FMN2: variants seen among roughly 807,000 people sequenced by gnomAD.
FMN2 encodes formin 2.
FMN2 carries 51 observed loss-of-function variants against 142.3 expected under a neutral mutation model. The observed-to-expected ratio is 0.36, with a 90% CI of 0.29 to 0.45. The LOEUF (loss-of-function observed/expected upper bound fraction) is 0.45, where lower values mean the gene tolerates loss of function less well. FMN2 is among the 20% of genes least tolerant of loss of function. The pLI is 1.00. For missense variants in FMN2, 1,936 were observed against 2,122.8 expected, an observed-to-expected ratio of 0.91 and a Z score of 1.73; for synonymous variants, 882 against 869.8, an observed-to-expected ratio of 1.01 and a Z score of -0.25.
intron 2 of FMN2, among the ~76,000 whole-genome samples, chr1:240,164,329 T>G (rs1206844772): frequency 6.6e-6 from 1 of 152,254 alleles, no homozygotes; most frequent in Non-Finnish European, 1.5e-5. Context: ...CCTAACTTAA[T>G]AAATTTCACT....
At chr1:240,382,478 T>G (rs1673257287) in intron 14 of FMN2, among the ~76,000 whole-genome samples, 1 of 151,902 alleles carries the variant, frequency 6.6e-6, no homozygotes, top group Non-Finnish European at 1.5e-5. Context: ...CTGGCCAACA[T>G]GGTGAAACCC....
rs1442933895 is a variant in FMN2 at position 240,173,933 on chromosome 1, C to G, written c.1783-3988C>G. Among the ~76,000 whole-genome samples, 10 of 152,190 alleles carry G rather than the reference C, an allele frequency of 6.6e-5. No homozygotes were observed. The East Asian group carries it at 1.9e-3, about 29-fold the overall frequency. On this transcript the variant is annotated intron_variant, in intron 2 of 17. Coordinates refer to ENST00000319653, the MANE Select transcript of FMN2 (RefSeq NM_020066.5). ...TTATCCCCTTGGTTGTTGGTGCTACCTCTTTTATATGGAAAAAACTATGTC... is the reference window on the plus strand; with the variant it reads ...TTATCCCCTTGGTTGTTGGTGCTACGTCTTTTATATGGAAAAAACTATGTC...
At chr1:240,154,222 C>T (rs985507143) in intron 2 of FMN2, among the ~76,000 whole-genome samples, 15 of 150,538 alleles carry the variant, frequency 1.0e-4, no homozygotes, top group African/African-American at 3.2e-4. Flanking sequence ...AGGGAGCAGA[C>T]AGACAATGCA....
At chr1:240,138,850 TACC>T (rs1451405056) in intron 2 of FMN2, among the ~76,000 whole-genome samples, 4 of 152,258 alleles carry the variant, frequency 2.6e-5, no homozygotes, top group Admixed American at 2.6e-4. Context: ...CTTCTCATAA[TACC>T]ACAATAGTTA....
At chr1:240,218,258 G>A (rs1439540916) in intron 6 of FMN2, among the ~76,000 whole-genome samples, 1 of 123,422 alleles carries the variant, frequency 8.1e-6, no homozygotes, top group African/African-American at 3.2e-5. Flanking sequence ...ACTCCAGCCT[G>A]GCGACAGAGC....
At chr1:240,241,702 ACTC>A (rs149628738) in intron 6 of FMN2, among the ~76,000 whole-genome samples, 1,728 of 151,794 alleles carry the variant, frequency 0.011, 39 homozygotes, top group African/African-American at 0.039. Context: ...CTATGGCGCT[ACTC>A]CTCTTGTTTA....
intron 7 of FMN2, among the ~76,000 whole-genome samples, chr1:240,274,507 A>T (rs569712352): frequency 6.6e-6 from 1 of 152,202 alleles, no homozygotes; most frequent in South Asian, 2.1e-4. Context: ...GAGGGAGATC[A>T]TGTAGGGCTT....
chr1:240,129,338 C>T (rs1272060912), intron 2 of FMN2, among the ~76,000 whole-genome samples: 2 of 151,950 alleles, frequency 1.3e-5, no homozygotes, highest in Admixed American at 6.6e-5. Flanking sequence ...ATTTTTGAAA[C>T]GTTGTGTACA....
At position 240,155,731 on chromosome 1, in the gene FMN2, T is replaced by C. The variant is rs138163604; in HGVS notation, c.1783-22190T>C. Among the ~76,000 whole-genome samples the C allele has an allele frequency of 1.2e-4, 18 of 152,292 alleles. No individual in the cohort carries two copies. In the East Asian group the frequency reaches 3.3e-3, roughly 28 times the overall value. ...TTGTCAAAGATCAAGGTTTCTAGTT[T>C]TGCAGATTAGATGGGCAATTCTTTA... On this transcript the variant is annotated intron_variant, in intron 2 of 17. Coordinates refer to ENST00000319653, the MANE Select transcript of FMN2 (RefSeq NM_020066.5).
At chr1:240,359,020 G>A (rs1287144170) in intron 14 of FMN2, among the ~76,000 whole-genome samples, 1 of 152,092 alleles carries the variant, frequency 6.6e-6, no homozygotes, top group African/African-American at 2.4e-5. Context: ...AGCTACTCAG[G>A]AGACTGAGGC....
intron 16 of FMN2, among the ~76,000 whole-genome samples, chr1:240,455,663 G>A (rs903591327): frequency 2.0e-5 from 3 of 152,080 alleles, no homozygotes; most frequent in Admixed American, 6.6e-5. Context: ...AGGCAACAGA[G>A]CAAGACTCTG....
chr1:240,294,031 C>T (rs577356418), intron 7 of FMN2, among the ~76,000 whole-genome samples: 1 of 152,230 alleles, frequency 6.6e-6, no homozygotes, highest in African/African-American at 2.4e-5. Flanking sequence ...TCCCCAAGAG[C>T]TTCACTGGCT....
At chr1:240,302,937 T>C (rs920035392) in intron 8 of FMN2, among the ~76,000 whole-genome samples, 1 of 151,948 alleles carries the variant, frequency 6.6e-6, no homozygotes, top group Non-Finnish European at 1.5e-5. Context: ...TGGATATAAA[T>C]ATAGTGAAAA....
intron 15 of FMN2, among the ~76,000 whole-genome samples, chr1:240,433,335 T>G (rs1675240541): frequency 6.6e-6 from 1 of 152,248 alleles, no homozygotes; most frequent in Non-Finnish European, 1.5e-5. Flanking sequence ...TATTTTTATT[T>G]GGAATTAATT....
Position 240,392,519 on chromosome 1 carries a change from G to T in FMN2, c.4867G>T (p.Asp1623Tyr). Residue 1623 changes from aspartate to tyrosine, a missense_variant, in exon 15 of 18, where the codon GAC (aspartate) becomes TAC (tyrosine). Coordinates refer to ENST00000319653, the MANE Select transcript of FMN2 (RefSeq NM_020066.5). ...TTTTCTTGCACTTTCAGCCAAAATT[G>T]ACCAAGAGGCAGAGGAAAATTCACT... ...MEQFIIQAKIDQEAEENSLTE... is the reference protein window; with the variant it reads ...MEQFIIQAKIYQEAEENSLTE... The T allele has an allele frequency of 1.2e-6, 2 of 1,609,714 alleles. No homozygotes were observed. Among genetic ancestry groups the T allele is most frequent in the Non-Finnish European group, 1.7e-6 (2 of 1,177,962 alleles).
At chr1:240,354,654 G>T (rs762932405) in intron 13 of FMN2, among the ~76,000 whole-genome samples, 7 of 152,142 alleles carry the variant, frequency 4.6e-5, no homozygotes, top group Non-Finnish European at 1.0e-4. Context: ...CACATTTGCT[G>T]GGAAGGATGT....
At chr1:240,144,568 C>A in intron 2 of FMN2, 2 of 1,383,146 alleles carry the variant, frequency 1.4e-6, no homozygotes, top group South Asian at 2.3e-5. Context: ...CATTGCGCAT[C>A]AGTGCCAATC....
chr1:240,118,501 C>G lies in FMN2; in HGVS notation c.1616-4678C>G, dbSNP rs142676287. ...ATTGTTCTCCCCCACCTGGGACCCC[C>G]CTTCCTCGTTGTTGCTAACTTACCT... is the stretch of plus-strand genomic sequence containing the variant. On this transcript the variant is annotated intron_variant, in intron 1 of 17. Transcript: ENST00000319653. 2.4e-3 allele frequency among the ~76,000 whole-genome samples: 368 copies of G among 152,254 alleles called. 1 individual carries two copies. Among genetic ancestry groups the G allele is most frequent in the Non-Finnish European group, 4.4e-3 (297 of 68,032 alleles).
intron 6 of FMN2, among the ~76,000 whole-genome samples, chr1:240,255,375 T>G (rs116699177): frequency 0.011 from 1,702 of 152,328 alleles, 26 homozygotes; most frequent in African/African-American, 0.03. Context: ...TTTCCTTGGA[T>G]TTTTGATAAC....
Sources: allele counts gnomAD v4.1 joint callset (sites outside exome capture counted in the v4.1 genomes callset), GRCh38; gene constraint gnomAD v4.1.1; transcripts MANE v1.5; gene names NCBI Gene and HGNC (gene_info 2026-07-23, HGNC 2026-07-21).